Variants in LCA5 observed in about 807,000 individuals in gnomAD.
LCA5 encodes lebercilin LCA5.
Under a neutral mutation model 53.0 loss-of-function variants are expected in LCA5, and 37 were observed. The observed-to-expected ratio is 0.70, with a 90% CI of 0.54 to 0.92. The LOEUF (loss-of-function observed/expected upper bound fraction) is 0.92, where lower values mean the gene tolerates loss of function less well. Ranked by LOEUF, LCA5 falls within the 40% of genes least tolerant of loss-of-function variation. The probability of loss-of-function intolerance (pLI) is 0.00; values close to 1 mark genes in which losing one functional copy is unlikely to be tolerated. For synonymous variants in LCA5, 303 were observed against 282.9 expected (o/e 1.07, Z -0.71); for missense variants, 806 against 790.5 (o/e 1.02, Z -0.23).
At chr6:79,508,418 C>T (rs1177169864) in intron 3 of LCA5, among the ~76,000 whole-genome samples, 1 of 152,050 alleles carries the variant, frequency 6.6e-6, no homozygotes, top group Non-Finnish European at 1.5e-5. Flanking sequence ...GATGTCCTGG[C>T]GAAGTTTTTC....
chr6:79,504,168 T>G (rs1369339176), intron 3 of LCA5, among the ~76,000 whole-genome samples: 1 of 152,174 alleles, frequency 6.6e-6, no homozygotes, highest in African/African-American at 2.4e-5. Flanking sequence ...TATTAACAAA[T>G]AGCCAAAAAT....
intron 3 of LCA5, among the ~76,000 whole-genome samples, chr6:79,500,503 G>C (rs771947137): frequency 4.6e-5 from 7 of 152,128 alleles, no homozygotes; most frequent in Non-Finnish European, 8.8e-5. Context: ...CATCTGTTCA[G>C]TGTTGTTATA....
chr6:79,506,202 T>C (rs1360478327), intron 3 of LCA5, among the ~76,000 whole-genome samples: 1 of 152,194 alleles, frequency 6.6e-6, no homozygotes, highest in Non-Finnish European at 1.5e-5. Context: ...AAAGTCTTAA[T>C]AGTTTCTTTT....
chr6:79,509,655 C>T (rs1359351677), intron 3 of LCA5, among the ~76,000 whole-genome samples: 1 of 152,122 alleles, frequency 6.6e-6, no homozygotes, highest in African/African-American at 2.4e-5. Flanking sequence ...ACATTCTTAA[C>T]CCCTTGTGAA....
intron 3 of LCA5, among the ~76,000 whole-genome samples, chr6:79,494,867 G>A (rs1240148053): frequency 6.6e-6 from 1 of 152,190 alleles, no homozygotes; most frequent in East Asian, 1.9e-4. Flanking sequence ...GAAATAAAGT[G>A]TCTTAGACTT....
At position 79,491,615 on chromosome 6, in the gene LCA5, T is replaced by C; in HGVS notation, c.1071A>G (p.Lys357=). Residue 357 remains lysine (K), a synonymous_variant, in exon 6 of 8, where the codon AAA becomes AAG. Coordinates refer to ENST00000369846, the MANE Select transcript of LCA5 (RefSeq NM_001122769.3). ...AAGTAAGATGTCCTGGTTCTTCCCATTTGTTTTCGTAACACATAATTGTTT... is the reference window on the plus strand; with the variant it reads ...AAGTAAGATGTCCTGGTTCTTCCCACTTGTTTTCGTAACACATAATTGTTT... ...TPETIMCYEN[K]WEEPGHLTLD... 1 of 1,613,158 alleles carries C rather than the reference T, an allele frequency of 6.2e-7. No individual in the cohort carries two copies. Among genetic ancestry groups the C allele is most frequent in the East Asian group, 2.2e-5 (1 of 44,804 alleles).
At chr6:79,518,339 T>C (rs1479482059) in intron 2 of LCA5, among the ~76,000 whole-genome samples, 1 of 152,186 alleles carries the variant, frequency 6.6e-6, no homozygotes, top group African/African-American at 2.4e-5. Flanking sequence ...TTTATGTCGA[T>C]GCTTTTTCTA....
Position 79,488,779 on chromosome 6 carries a change from A to G in LCA5, c.1231+305T>C, listed in dbSNP as rs554603531. 441 of 471,402 alleles carry G rather than the reference A, an allele frequency of 9.4e-4. 2 individuals carry two copies. In the African/African-American group the frequency reaches 0.01, roughly 11 times the overall value. The allele number at this position is 471,402 out of a possible 1,614,324, so 29.2% of individuals were successfully genotyped here. ...AAATTTTAAAATATGTAAGAACACCACAAGTATAGTAACTTTAGTAAGTGG... is the reference window on the plus strand; with the variant it reads ...AAATTTTAAAATATGTAAGAACACCGCAAGTATAGTAACTTTAGTAAGTGG... On this transcript the variant is annotated intron_variant, in intron 7 of 7. Transcript: ENST00000369846.
At chr6:79,500,758 T>C (rs1167909801) in intron 3 of LCA5, among the ~76,000 whole-genome samples, 2 of 152,202 alleles carry the variant, frequency 1.3e-5, no homozygotes, top group East Asian at 3.8e-4. Flanking sequence ...TAGGTTTGTA[T>C]TGCCCTCAGG....
intron 1 of LCA5, among the ~76,000 whole-genome samples, chr6:79,519,732 A>G (rs2127683587): frequency 6.6e-6 from 1 of 151,480 alleles, no homozygotes; most frequent in East Asian, 1.9e-4. Context: ...AAAAAAAAAA[A>G]AGAATAAAGA....
rs1165531069 is a variant in LCA5 at position 79,486,213 on chromosome 6, T to C, written c.*791A>G. ...GTATGTATTTCCACTATTCCTTGCATTTGGCATGAAATCTTACACCCAGTC... is the reference window on the plus strand; with the variant it reads ...GTATGTATTTCCACTATTCCTTGCACTTGGCATGAAATCTTACACCCAGTC... On this transcript the variant is annotated 3_prime_UTR_variant, in exon 8 of 8. Coordinates refer to ENST00000369846, the MANE Select transcript of LCA5 (RefSeq NM_001122769.3). 1 of 152,168 alleles carries C rather than the reference T, an allele frequency of 6.6e-6. No homozygotes were observed. The highest frequency in any genetic ancestry group is 1.5e-5 in the Non-Finnish European group (1 of 68,022). 9.4% of individuals were successfully genotyped at this position (152,168 alleles called of 1,614,324 possible). A position where few individuals can be genotyped will look rare whatever the true frequency, so the allele number is the denominator to read the frequency against.
chr6:79,505,142 TA>T (rs1343234300), intron 3 of LCA5, among the ~76,000 whole-genome samples: 1 of 152,178 alleles, frequency 6.6e-6, no homozygotes, highest in African/African-American at 2.4e-5. Flanking sequence ...AAGGTTATCT[TA>T]GATATTAACA....
chr6:79,531,768 T>C (rs958659051), intron 1 of LCA5, among the ~76,000 whole-genome samples: 14 of 152,282 alleles, frequency 9.2e-5, no homozygotes, highest in Admixed American at 9.2e-4. Context: ...TTTTCCATAG[T>C]GATCTATTTT....
At chr6:79,528,191 A>G (rs1766847268) in intron 1 of LCA5, among the ~76,000 whole-genome samples, 1 of 152,168 alleles carries the variant, frequency 6.6e-6, no homozygotes, top group Non-Finnish European at 1.5e-5. Context: ...TGAAACTTAT[A>G]AAAGTCTGTC....
chr6:79,515,787 G>T (rs142344230), intron 2 of LCA5, among the ~76,000 whole-genome samples: 125 of 152,106 alleles, frequency 8.2e-4, no homozygotes, highest in African/African-American at 2.8e-3. Flanking sequence ...AAAGATAAAA[G>T]ATTTTATAGA....
intron 1 of LCA5, among the ~76,000 whole-genome samples, chr6:79,523,127 GAAGAAATATTTTAAA>G (rs1484532588): frequency 6.6e-6 from 1 of 151,898 alleles, no homozygotes; most frequent in Admixed American, 6.6e-5. Context: ...ATTTTCTTTA[GAAGAAATATTTTAAA>G]AAGCAACAAA....
chr6:79,522,831 C>T (rs1181727220), intron 1 of LCA5, among the ~76,000 whole-genome samples: 2 of 152,036 alleles, frequency 1.3e-5, no homozygotes, highest in Non-Finnish European at 2.9e-5. Flanking sequence ...CAGGCATGCG[C>T]CACCACGCCC....
chr6:79,534,523 T>G (rs1472395603), intron 1 of LCA5, among the ~76,000 whole-genome samples: 3 of 152,062 alleles, frequency 2.0e-5, no homozygotes, highest in Non-Finnish European at 4.4e-5. Flanking sequence ...CAACTGATCC[T>G]TTACCGTTAA....
rs193193391 is a variant in LCA5, at chr6:79,513,005, C to T, written c.720+207G>A. On this transcript the variant is annotated intron_variant, in intron 3 of 7. Coordinates refer to ENST00000369846, the MANE Select transcript of LCA5 (RefSeq NM_001122769.3). ...GTATTTTCCCAAAATGACTATGATC[C>T]GTCAATCAACATGTAGCTCATTAAT... The T allele has an allele frequency of 2.5e-5, 15 of 591,684 alleles. No homozygotes were observed. In the African/African-American group the frequency reaches 2.8e-4, roughly 11 times the overall value. The allele number at this position is 591,684 out of a possible 1,614,324, so 36.7% of individuals were successfully genotyped here. A position where few individuals can be genotyped will look rare whatever the true frequency, so the allele number is the denominator to read the frequency against.
Sources: gnomAD v4.1 joint callset for allele counts (sites outside exome capture counted in the v4.1 genomes callset) on GRCh38, gnomAD v4.1.1 for gene constraint, MANE v1.5 for transcripts, NCBI Gene and HGNC (gene_info 2026-07-23, HGNC 2026-07-21) for gene names.